PTPRD: variants seen among roughly 807,000 people sequenced by gnomAD.
PTPRD encodes receptor-type tyrosine-protein phosphatase delta.
Under a neutral mutation model 214.5 loss-of-function variants are expected in PTPRD, and 34 were observed. The ratio of observed to expected loss-of-function variants is 0.16; its 90% confidence interval spans 0.12 to 0.21. The LOEUF (loss-of-function observed/expected upper bound fraction) is 0.21, where lower values mean the gene tolerates loss of function less well. Among genes scored for constraint, PTPRD ranks in the 10% least tolerant of loss-of-function variants. The pLI is 1.00. For missense variants in PTPRD, 2,545 were observed against 2,398.7 expected (o/e 1.06, Z -1.27); for synonymous variants, 1,128 against 845.7 (o/e 1.33, Z -5.79).
chr9:8,414,501 G>C (rs2093753196), intron 35 of PTPRD, among the ~76,000 whole-genome samples: 1 of 151,922 alleles, frequency 6.6e-6, no homozygotes, highest in Admixed American at 6.6e-5. Context: ...TTTTTGGTTT[G>C]TTTGAACAGT....
At chr9:8,797,145 G>C (rs2096453845) in intron 11 of PTPRD, 1 of 152,074 alleles carries the variant, frequency 6.6e-6, no homozygotes, top group Non-Finnish European at 1.5e-5. Context: ...ATAAATTCAA[G>C]CTTTTCGAAT....
chr9:9,672,917 C>T (rs2096858488), intron 7 of PTPRD, among the ~76,000 whole-genome samples: 1 of 151,982 alleles, frequency 6.6e-6, no homozygotes, highest in African/African-American at 2.4e-5. Flanking sequence ...GTATTCATTT[C>T]CTGACATTGG....
intron 11 of PTPRD, among the ~76,000 whole-genome samples, chr9:8,915,023 C>G (rs2098774706): frequency 6.6e-6 from 1 of 151,892 alleles, no homozygotes; most frequent in South Asian, 2.1e-4. Flanking sequence ...AACACATGTT[C>G]AAGGAACTAT....
intron 34 of PTPRD, among the ~76,000 whole-genome samples, chr9:8,447,219 T>A (rs1416708439): frequency 6.6e-6 from 1 of 152,128 alleles, no homozygotes; most frequent in Non-Finnish European, 1.5e-5. Flanking sequence ...TCCTCTCTTA[T>A]CTCATTTTGT....
chr9:9,794,321 T>C (rs1184840188), intron 5 of PTPRD, among the ~76,000 whole-genome samples: 1 of 151,834 alleles, frequency 6.6e-6, no homozygotes, highest in Non-Finnish European at 1.5e-5. Flanking sequence ...AGAAATGACA[T>C]AAGGACTAGG....
intron 5 of PTPRD, among the ~76,000 whole-genome samples, chr9:9,778,576 C>T (rs2154487946): frequency 6.6e-6 from 1 of 152,256 alleles, no homozygotes; most frequent in East Asian, 1.9e-4. Flanking sequence ...TTTGTAAGTC[C>T]TGCTGTCTGT....
intron 5 of PTPRD, among the ~76,000 whole-genome samples, chr9:9,832,413 A>C (rs1171665165): frequency 6.6e-6 from 1 of 152,034 alleles, no homozygotes; most frequent in Admixed American, 6.6e-5. Flanking sequence ...TCTATATAGC[A>C]GATATTACTG....
chr9:10,089,120 T>C (rs1490826392), intron 3 of PTPRD, among the ~76,000 whole-genome samples: 2 of 151,208 alleles, frequency 1.3e-5, no homozygotes, highest in South Asian at 2.1e-4. Flanking sequence ...GGTGGAAGGA[T>C]TGCTTAAGCC....
At chr9:9,945,050 T>C (rs1465174355) in intron 4 of PTPRD, among the ~76,000 whole-genome samples, 2 of 152,140 alleles carry the variant, frequency 1.3e-5, no homozygotes, top group Non-Finnish European at 2.9e-5. Context: ...AAAGAATTTG[T>C]GAGCAGATTT....
chr9:8,950,196 G>C (rs1005923617), intron 11 of PTPRD, among the ~76,000 whole-genome samples: 1 of 152,068 alleles, frequency 6.6e-6, no homozygotes, highest in Non-Finnish European at 1.5e-5. Flanking sequence ...CACTAGATGG[G>C]GTAGGGGGAA....
intron 7 of PTPRD, among the ~76,000 whole-genome samples, chr9:9,596,433 T>G (rs532039595): frequency 2.0e-5 from 3 of 152,152 alleles, no homozygotes; most frequent in Admixed American, 6.6e-5. Flanking sequence ...CTGAATTATT[T>G]TCTACTGTTC....
chr9:8,431,802 G>T (rs1297097215), intron 35 of PTPRD, among the ~76,000 whole-genome samples: 1 of 152,170 alleles, frequency 6.6e-6, no homozygotes, highest in Non-Finnish European at 1.5e-5. Flanking sequence ...ATTTTATTGT[G>T]TCTCTGCCAG....
At chr9:10,384,415 T>C (rs759477667) in intron 2 of PTPRD, among the ~76,000 whole-genome samples, 43 of 151,766 alleles carry the variant, frequency 2.8e-4, no homozygotes, top group Admixed American at 5.3e-4. Context: ...AATTTTCTGA[T>C]TCTATATGAT....
intron 8 of PTPRD, among the ~76,000 whole-genome samples, chr9:9,450,858 C>A (rs1184645149): frequency 6.6e-6 from 1 of 150,766 alleles, no homozygotes; most frequent in East Asian, 2.0e-4. Flanking sequence ...CAAAATAAAT[C>A]TTTCCAAATT....
Position 8,517,904 on chromosome 9 carries a change from G to T in PTPRD, c.1487C>A (p.Thr496Asn), listed in dbSNP as rs2097814838. ...KTYSVKVLAF[T>N]SIGDGPLSSD... is the part of the protein sequence containing the mutation. The stretch of plus-strand genomic sequence containing the variant: ...TGAAAGGGGACCATCTCCAATTGAG[G>T]TAAAAGCCAGGACTTTGACAGAATA... The change falls in exon 21 of 46, where the codon ACC becomes AAC. Residue 496 changes from threonine to asparagine, a missense_variant. By Grantham distance (65) the Thr-to-Asn change is moderately conservative (BLOSUM62 0). Transcript: ENST00000381196. The T allele has an allele frequency of 1.2e-6, 2 of 1,614,146 alleles. No homozygotes were observed. Among genetic ancestry groups the T allele is most frequent in the Admixed American group, 1.7e-5 (1 of 60,024 alleles).
intron 3 of PTPRD, among the ~76,000 whole-genome samples, chr9:10,263,762 T>A (rs939837966): frequency 4.6e-5 from 7 of 152,262 alleles, no homozygotes; most frequent in Non-Finnish European, 1.0e-4. Context: ...AGGAGCCCAA[T>A]GTTAATCACC....
chr9:8,507,691 G>C (rs2097569972), intron 21 of PTPRD, among the ~76,000 whole-genome samples: 1 of 152,130 alleles, frequency 6.6e-6, no homozygotes, highest in Non-Finnish European at 1.5e-5. Flanking sequence ...ATCGGCCTCT[G>C]AATTCAATTT....
rs191015130 is a variant in PTPRD at position 10,431,307 on chromosome 9, C to T, written c.-599-90290G>A. On this transcript the variant is annotated intron_variant, in intron 2 of 45. Coordinates refer to ENST00000381196, the MANE Select transcript of PTPRD (RefSeq NM_002839.4). ...ATTCAAGATGGATTAAAGACTTAAA[C>T]GTTAGACCTAAAACCATAAAAACCC... Among the ~76,000 whole-genome samples the T allele has an allele frequency of 2.7e-3, 412 of 151,996 alleles. 6 individuals carry two copies. The highest frequency in any genetic ancestry group is 9.0e-3 in the African/African-American group (372 of 41,504).
chr9:10,396,671 G>A (rs2098176677), intron 2 of PTPRD, among the ~76,000 whole-genome samples: 1 of 151,960 alleles, frequency 6.6e-6, no homozygotes, highest in Admixed American at 6.6e-5. Flanking sequence ...CCTTCTTAAT[G>A]AGATTTGGGA....
Sources: allele counts gnomAD v4.1 joint callset (sites outside exome capture counted in the v4.1 genomes callset), GRCh38; gene constraint gnomAD v4.1.1; transcripts MANE v1.5; gene names NCBI Gene and HGNC (gene_info 2026-07-23, HGNC 2026-07-21).